The following MYPN variants were observed in gnomAD, a reference collection of about 807,000 sequenced individuals.
The protein encoded by MYPN is myopalladin, also known as sarcomeric protein myopalladin, 145 kDa (MYOP).
Under a neutral mutation model 129.4 loss-of-function variants are expected in MYPN, and 63 were observed. The observed-to-expected ratio is 0.49, with a 90% CI of 0.40 to 0.60. The LOEUF is 0.60. Ranked by LOEUF, MYPN falls within the 20% of genes least tolerant of loss-of-function variation. The pLI, the probability that MYPN is intolerant of heterozygous loss-of-function variation, is 0.00. For synonymous variants in MYPN, 629 were observed against 600.9 expected, an observed-to-expected ratio of 1.05 and a Z score of -0.68; for missense variants, 1,596 against 1,635.4, an observed-to-expected ratio of 0.98 and a Z score of 0.42.
In MYPN at chr10:68,121,979, C is replaced by T; in HGVS notation, c.541C>T (p.His181Tyr). ...GATTAGACCTCGTGCCTGCAAAAACCACAAGAGTAAACTGGAATCTCAAAA... is the reference window on the plus strand; with the variant it reads ...GATTAGACCTCGTGCCTGCAAAAACTACAAGAGTAAACTGGAATCTCAAAA... ...KRIRPRACKN[H>Y]KSKLESQNKV... Residue 181 changes from histidine (H) to tyrosine (Y), a missense_variant, in exon 2 of 20, where the codon CAC (histidine) becomes TAC (tyrosine). Transcript: ENST00000358913. The T allele has an allele frequency of 1.2e-6, 2 of 1,614,218 alleles. No individual in the cohort carries two copies. The highest frequency in any genetic ancestry group is 1.7e-6 in the Non-Finnish European group (2 of 1,180,042).
chr10:68,189,187 A>G, intron 13 of MYPN, 61 bp downstream of exon 13: 1 of 1,202,886 alleles, frequency 8.3e-7, no homozygotes, highest in South Asian at 1.2e-5. Context: ...CAGTGCCTTC[A>G]AGAAGGTCTT....
intron 1 of MYPN, among the ~76,000 whole-genome samples, chr10:68,095,606 T>C (rs10823136): frequency 0.095 from 14,389 of 152,128 alleles, 1,211 homozygotes; most frequent in East Asian, 0.45. Context: ...CAGAGACTAA[T>C]TGGAAGTGAA....
chr10:68,160,546 A>C (rs1240250735), intron 7 of MYPN, among the ~76,000 whole-genome samples: 1 of 152,146 alleles, frequency 6.6e-6, no homozygotes, highest in Admixed American at 6.6e-5. Context: ...TTGGCAATTC[A>C]ATATCAATCA....
intron 3 of MYPN, among the ~76,000 whole-genome samples, chr10:68,144,946 G>A (rs1386092507): frequency 6.6e-6 from 1 of 152,102 alleles, no homozygotes; most frequent in Non-Finnish European, 1.5e-5. Flanking sequence ...ATGTGACCTT[G>A]AGCAATTCCT....
At chr10:68,120,439 C>T (rs892649363) in intron 1 of MYPN, among the ~76,000 whole-genome samples, 1 of 152,110 alleles carries the variant, frequency 6.6e-6, no homozygotes, top group Non-Finnish European at 1.5e-5. Flanking sequence ...TCCATTATAT[C>T]TCATTTCCCC....
At chr10:68,164,132 A>ACTT (rs1195864675) in intron 8 of MYPN, among the ~76,000 whole-genome samples, 2 of 152,188 alleles carry the variant, frequency 1.3e-5, no homozygotes, top group African/African-American at 4.8e-5. Context: ...GTGACCGAAT[A>ACTT]CCTGAAACTG....
intron 8 of MYPN, among the ~76,000 whole-genome samples, chr10:68,164,056 T>C (rs2043018314): frequency 1.3e-5 from 2 of 152,176 alleles, no homozygotes; most frequent in Non-Finnish European, 2.9e-5. Context: ...CAGGGTTCTA[T>C]CAACAAGGAG....
chr10:68,171,466 A>G (rs776313993), intron 10 of MYPN, among the ~76,000 whole-genome samples: 4 of 152,180 alleles, frequency 2.6e-5, no homozygotes, highest in Admixed American at 1.3e-4. Context: ...CACCTGCCGA[A>G]TGAGAAACTC....
At chr10:68,151,763 C>T (rs1478260393) in intron 6 of MYPN, among the ~76,000 whole-genome samples, 1 of 152,204 alleles carries the variant, frequency 6.6e-6, no homozygotes, top group Admixed American at 6.5e-5. Flanking sequence ...AGACAGGTGA[C>T]ATCAGAGGGA....
Position 68,141,221 on chromosome 10 carries a change from T to G in MYPN, c.903-1719T>G, listed in dbSNP as rs1176891082. ...CTGTCTCTACTAAAAATACAAAAATTAGCTGGGCGTGGTGGTGTGCACCTG... is the reference window on the plus strand; with the variant it reads ...CTGTCTCTACTAAAAATACAAAAATGAGCTGGGCGTGGTGGTGTGCACCTG... On this transcript the variant is annotated intron_variant, in intron 2 of 19. Coordinates refer to ENST00000358913, the MANE Select transcript of MYPN (RefSeq NM_032578.4). Among the ~76,000 whole-genome samples, 11 of 149,136 alleles carry G rather than the reference T, an allele frequency of 7.4e-5. No homozygotes were observed. In the East Asian group the frequency reaches 2.2e-3, roughly 30 times the overall value.
At chr10:68,099,927 G>A (rs950896352) in intron 1 of MYPN, among the ~76,000 whole-genome samples, 4 of 152,140 alleles carry the variant, frequency 2.6e-5, no homozygotes, top group African/African-American at 9.7e-5. Flanking sequence ...ATGTGGCGTG[G>A]TGTAGCAGAC....
At chr10:68,206,925 G>A (rs925985097) in intron 19 of MYPN, 22 bp downstream of exon 19, 3 of 1,613,828 alleles carry the variant, frequency 1.9e-6, no homozygotes, top group Non-Finnish European at 2.5e-6. Context: ...GCTGTTAGTT[G>A]AACATCTGTA....
chr10:68,166,728 C>A, intron 10 of MYPN, 62 bp downstream of exon 10: 4 of 1,596,204 alleles, frequency 2.5e-6, no homozygotes, highest in South Asian at 2.2e-5. Context: ...ATCTGATCTC[C>A]TTAAAAGTAA....
intron 1 of MYPN, among the ~76,000 whole-genome samples, chr10:68,118,928 A>AGGAAGGAAGGAAGG (rs71009005): frequency 1.3e-5 from 2 of 150,202 alleles, no homozygotes; most frequent in Non-Finnish European, 1.5e-5. Context: ...GAAGGAAGGA[A>AGGAAGGAAGGAAGG]ATTTAAAAAA....
intron 1 of MYPN, among the ~76,000 whole-genome samples, chr10:68,120,243 G>C (rs2042222694): frequency 6.6e-6 from 1 of 151,944 alleles, no homozygotes; most frequent in Non-Finnish European, 1.5e-5. Context: ...TCACAAATTT[G>C]CCATCCTTTA....
chr10:68,145,970 C>G (rs1253054309), intron 4 of MYPN, among the ~76,000 whole-genome samples: 4 of 152,184 alleles, frequency 2.6e-5, no homozygotes. Context: ...GGCTTCCTGT[C>G]TGCTTCTGCC....
intron 4 of MYPN, 123 bp from the exon 5 acceptor site, chr10:68,148,230 C>A: frequency 1.2e-6 from 1 of 850,382 alleles, no homozygotes; most frequent in Non-Finnish European, 1.9e-6. Flanking sequence ...TGTAAAATAT[C>A]ATCAAACCAA....
Position 68,199,376 on chromosome 10 carries a change from T to C in MYPN, c.3294T>C (p.Gly1098=). 6.2e-7 allele frequency: 1 copy of C among 1,613,930 alleles called. No homozygotes were observed. Among genetic ancestry groups the C allele is most frequent in the Non-Finnish European group, 8.5e-7 (1 of 1,179,912 alleles). Residue 1098 remains glycine, a synonymous_variant, in exon 17 of 20, where the codon GGT becomes GGC. Coordinates refer to ENST00000358913, the MANE Select transcript of MYPN (RefSeq NM_032578.4). ...GTTCTGTTGTTTATTAGGTGAGTGG[T>C]TTACCGCCCCCGGAGCTGACATGGC... ...RLCRLDCKVS[G]LPPPELTWLL...
intron 1 of MYPN, among the ~76,000 whole-genome samples, chr10:68,118,271 A>T (rs1050998438): frequency 3.3e-5 from 5 of 152,324 alleles, no homozygotes; most frequent in Admixed American, 2.0e-4. Context: ...CATCAGTTGA[A>T]TACCCATTAT....
Sources: gnomAD v4.1 joint callset for allele counts (sites outside exome capture counted in the v4.1 genomes callset) on GRCh38, gnomAD v4.1.1 for gene constraint, MANE v1.5 for transcripts, NCBI Gene and HGNC (gene_info 2026-07-23, HGNC 2026-07-21) for gene names.